GALNT7: variants seen among roughly 807,000 people sequenced by gnomAD.
GALNT7 encodes the protein N-acetylgalactosaminyltransferase 7.
A neutral mutation model predicts 82.1 loss-of-function variants in GALNT7; 60 were observed. The ratio of observed to expected loss-of-function variants is 0.73; its 90% CI spans 0.59 to 0.91. The LOEUF (loss-of-function observed/expected upper bound fraction) is 0.91. GALNT7 is among the 40% of genes least tolerant of loss of function. The probability of loss-of-function intolerance (pLI) is 0.00; values close to 1 mark genes in which losing one functional copy is unlikely to be tolerated. For missense variants in GALNT7, 660 were observed against 804.2 expected, an observed-to-expected ratio of 0.82 and a Z score of 2.17; for synonymous variants, 243 against 275.1, an observed-to-expected ratio of 0.88 and a Z score of 1.15.
At chr4:173,228,132 G>A (rs968337285) in intron 1 of GALNT7, among the ~76,000 whole-genome samples, 1 of 151,274 alleles carries the variant, frequency 6.6e-6, no homozygotes, top group African/African-American at 2.4e-5. Context: ...ATTTTTTTCT[G>A]AATAAATAGT....
In GALNT7 at chr4:173,237,163, C is replaced by A. The variant is rs1427722183; in HGVS notation, c.127-10817C>A. 2.0e-5 allele frequency among the ~76,000 whole-genome samples: 3 copies of A among 152,328 alleles called. No individual in the cohort carries two copies. In the East Asian group the frequency reaches 5.8e-4, roughly 29 times the overall value. On this transcript the variant is annotated intron_variant, in intron 1 of 11. Transcript: ENST00000265000. Reference sequence around the variant, plus strand: ...TGTTCTAGGCTTTAAAATGATACATCTGCCCTGAAAGCTTTGAGGTATTTT... The same window carrying A: ...TGTTCTAGGCTTTAAAATGATACATATGCCCTGAAAGCTTTGAGGTATTTT...
At chr4:173,316,610 T>TG (rs1379178418) in intron 9 of GALNT7, 2 of 152,204 alleles carry the variant, frequency 1.3e-5, no homozygotes, top group Admixed American at 6.5e-5. Context: ...ACAACATGCC[T>TG]GGCACACATC....
At chr4:173,308,671 G>C (rs781583785) in intron 8 of GALNT7, among the ~76,000 whole-genome samples, 39 of 152,168 alleles carry the variant, frequency 2.6e-4, no homozygotes, top group Non-Finnish European at 5.0e-4. Flanking sequence ...CGGGGAGGCC[G>C]AGGTGGGAGG....
chr4:173,283,953 CAT>C (rs1736217166), intron 2 of GALNT7, among the ~76,000 whole-genome samples: 1 of 152,226 alleles, frequency 6.6e-6, no homozygotes, highest in South Asian at 2.1e-4. Context: ...GAGAAACAAA[CAT>C]GTTCCAAATT....
intron 7 of GALNT7, among the ~76,000 whole-genome samples, chr4:173,303,451 T>C (rs1737079119): frequency 6.6e-6 from 1 of 152,208 alleles, no homozygotes; most frequent in South Asian, 2.1e-4. Flanking sequence ...TAGGGCCATA[T>C]TGAAGAGAGC....
At chr4:173,200,440 A>T (rs1479680552) in intron 1 of GALNT7, among the ~76,000 whole-genome samples, 1 of 151,584 alleles carries the variant, frequency 6.6e-6, no homozygotes. Flanking sequence ...AATCTATGGG[A>T]TTCTACTCTT....
At chr4:173,298,582 A>G (rs1399870060) in intron 6 of GALNT7, among the ~76,000 whole-genome samples, 1 of 152,254 alleles carries the variant, frequency 6.6e-6, no homozygotes, top group Non-Finnish European at 1.5e-5. Flanking sequence ...AAAAAAAGAT[A>G]AAATCTTAGT....
At chr4:173,194,625 AATTT>A (rs1356376035) in intron 1 of GALNT7, among the ~76,000 whole-genome samples, 2 of 152,092 alleles carry the variant, frequency 1.3e-5, no homozygotes, top group Admixed American at 6.5e-5. Flanking sequence ...ATAGGAGATA[AATTT>A]ATTTATTTAT....
At chr4:173,222,088 C>G (rs898678605) in intron 1 of GALNT7, among the ~76,000 whole-genome samples, 7 of 152,138 alleles carry the variant, frequency 4.6e-5, no homozygotes, top group Non-Finnish European at 1.0e-4. Flanking sequence ...GAACTAGGAA[C>G]CATAACAGTT....
At chr4:173,313,524 T>C (rs1322195268) in intron 8 of GALNT7, among the ~76,000 whole-genome samples, 1 of 149,930 alleles carries the variant, frequency 6.7e-6, no homozygotes, top group African/African-American at 2.5e-5. Context: ...TGAGCCAAGA[T>C]TGCACCACTG....
At chr4:173,260,386 C>T (rs1460647977) in intron 2 of GALNT7, among the ~76,000 whole-genome samples, 1 of 152,138 alleles carries the variant, frequency 6.6e-6, no homozygotes, top group Non-Finnish European at 1.5e-5. Context: ...TTATGGTTTA[C>T]ATGTAGGTGG....
In GALNT7 at chr4:173,257,035, G is replaced by T. The variant is rs1263192544; in HGVS notation, c.587+8595G>T. Among the ~76,000 whole-genome samples, 3 of 152,184 alleles carry T rather than the reference G, an allele frequency of 2.0e-5. No homozygotes were observed. The East Asian group carries it at 5.8e-4, about 29-fold the overall frequency. ...TGCCATAGTCGGCTATAAAACTCCA[G>T]ATGACTTCACTCTTTACATTTACAC... is the stretch of plus-strand genomic sequence containing the variant. On this transcript the variant is annotated intron_variant, in intron 2 of 11. Transcript: ENST00000265000.
intron 1 of GALNT7, among the ~76,000 whole-genome samples, chr4:173,224,274 T>A (rs1459496001): frequency 1.3e-5 from 2 of 152,196 alleles, no homozygotes; most frequent in Non-Finnish European, 1.5e-5. Context: ...TTCGAGTAGA[T>A]CTCACCATAT....
chr4:173,310,978 G>A (rs1399663865), intron 8 of GALNT7, among the ~76,000 whole-genome samples: 2 of 152,106 alleles, frequency 1.3e-5, no homozygotes, highest in African/African-American at 4.8e-5. Context: ...CCAAAGTGCT[G>A]GGATCAGAGG....
chr4:173,216,672 G>A (rs979931396), intron 1 of GALNT7, among the ~76,000 whole-genome samples: 1 of 126,980 alleles, frequency 7.9e-6, no homozygotes, highest in Non-Finnish European at 1.6e-5. Flanking sequence ...CTACTGTCTT[G>A]TAGTTTCAGT....
At chr4:173,169,867 C>T (rs1025441026) in intron 1 of GALNT7, among the ~76,000 whole-genome samples, 1 of 151,996 alleles carries the variant, frequency 6.6e-6, no homozygotes, top group African/African-American at 2.4e-5. Context: ...CCGGCCGCCC[C>T]GCGCCGGCTG....
chr4:173,211,920 G>T (rs532524964), intron 1 of GALNT7, among the ~76,000 whole-genome samples: 2 of 152,320 alleles, frequency 1.3e-5, no homozygotes, highest in African/African-American at 4.8e-5. Context: ...TTTTCAAAGT[G>T]TCAGCTCTGG....
At chr4:173,180,231 A>T (rs1323969957) in intron 1 of GALNT7, among the ~76,000 whole-genome samples, 1 of 151,142 alleles carries the variant, frequency 6.6e-6, no homozygotes, top group East Asian at 1.9e-4. Flanking sequence ...TTTTTGCTTG[A>T]TTGTTTAATG....
chr4:173,251,659 TTTCTTTCC>T (rs1734851476), intron 2 of GALNT7, among the ~76,000 whole-genome samples: 2 of 152,218 alleles, frequency 1.3e-5, no homozygotes, highest in African/African-American at 4.8e-5. Flanking sequence ...TCCTGTCTCC[TTTCTTTCC>T]TTCTTCCATG....
Sources: gnomAD v4.1 joint callset for allele counts (sites outside exome capture counted in the v4.1 genomes callset) on GRCh38, gnomAD v4.1.1 for gene constraint, MANE v1.5 for transcripts, NCBI Gene and HGNC (gene_info 2026-07-23, HGNC 2026-07-21) for gene names.